SMAP1: variants seen among roughly 807,000 people sequenced by gnomAD.
SMAP1 encodes small ArfGAP 1.
In SMAP1, 24 loss-of-function variants were observed where a neutral mutation model predicts 58.5. That is an observed-to-expected ratio of 0.41 (90% CI 0.30 to 0.58). The LOEUF (loss-of-function observed/expected upper bound fraction) is 0.58. Among genes scored for constraint, SMAP1 ranks in the 20% least tolerant of loss-of-function variants. The probability of loss-of-function intolerance (pLI) is 0.29; values close to 1 mark genes in which losing one functional copy is unlikely to be tolerated. For missense variants in SMAP1, 563 were observed against 566.3 expected (o/e 0.99, Z 0.06); for synonymous variants, 216 against 196.6 (o/e 1.10, Z -0.82).
At chr6:70,777,027 A>G (rs953637952) in intron 4 of SMAP1, among the ~76,000 whole-genome samples, 1 of 152,172 alleles carries the variant, frequency 6.6e-6, no homozygotes, top group African/African-American at 2.4e-5. Flanking sequence ...TTGCTGGCTT[A>G]TATGGTAATT....
chr6:70,812,469 G>T (rs1354505040), intron 6 of SMAP1, among the ~76,000 whole-genome samples: 1 of 152,168 alleles, frequency 6.6e-6, no homozygotes, highest in African/African-American at 2.4e-5. Flanking sequence ...CCATTGGCCT[G>T]TAGCCGTACA....
intron 3 of SMAP1, among the ~76,000 whole-genome samples, chr6:70,767,036 T>A (rs1370411128): frequency 2.0e-5 from 3 of 152,118 alleles, no homozygotes; most frequent in African/African-American, 4.8e-5. Flanking sequence ...TTCTCAGGTT[T>A]GTCAAAGATC....
intron 4 of SMAP1, among the ~76,000 whole-genome samples, chr6:70,782,498 A>G (rs754005446): frequency 2.6e-5 from 4 of 152,240 alleles, no homozygotes; most frequent in Non-Finnish European, 4.4e-5. Flanking sequence ...ATAAGACAAC[A>G]TGTGATAAAA....
Position 70,791,673 on chromosome 6 carries a change from C to T in SMAP1, c.415-16C>T. On this transcript the variant is annotated splice_polypyrimidine_tract_variant and intron_variant, in intron 4 of 10. Transcript: ENST00000370455. The stretch of plus-strand genomic sequence containing the variant: ...TTTTGTTTTTTTCCTCCTGACTTTT[C>T]ACCTGTACTCCACAGATTTCCTCCT... The T allele has an allele frequency of 6.2e-7, 1 of 1,605,818 alleles. No homozygotes were observed. The highest frequency in any genetic ancestry group is 8.5e-7 in the Non-Finnish European group (1 of 1,175,452).
chr6:70,832,366 G>A (rs1770395982), intron 6 of SMAP1, among the ~76,000 whole-genome samples: 1 of 151,988 alleles, frequency 6.6e-6, no homozygotes, highest in South Asian at 2.1e-4. Flanking sequence ...GATAGTATTG[G>A]GTTTAAATGT....
At chr6:70,713,940 G>C (rs938336195) in intron 1 of SMAP1, among the ~76,000 whole-genome samples, 1 of 152,020 alleles carries the variant, frequency 6.6e-6, no homozygotes, top group African/African-American at 2.4e-5. Context: ...GTGTGTATTT[G>C]TTTACAATTG....
intron 2 of SMAP1, among the ~76,000 whole-genome samples, chr6:70,749,590 A>G (rs566660583): frequency 1.3e-5 from 2 of 151,514 alleles, no homozygotes; most frequent in South Asian, 4.2e-4. Flanking sequence ...TCCCCCACTT[A>G]CCTCATTTAA....
intron 6 of SMAP1, among the ~76,000 whole-genome samples, chr6:70,829,998 T>G (rs978250831): frequency 6.6e-6 from 1 of 152,280 alleles, no homozygotes; most frequent in Admixed American, 6.5e-5. Context: ...ACAAAAAGAT[T>G]GGGTAGTAAA....
intron 3 of SMAP1, among the ~76,000 whole-genome samples, chr6:70,771,568 T>G (rs1365300950): frequency 6.6e-6 from 1 of 152,136 alleles, no homozygotes; most frequent in Non-Finnish European, 1.5e-5. Context: ...GTGTGGGATA[T>G]AATCTCCTGG....
chr6:70,669,963 T>A (rs1015739661), intron 1 of SMAP1, among the ~76,000 whole-genome samples: 6 of 152,288 alleles, frequency 3.9e-5, no homozygotes, highest in Non-Finnish European at 7.4e-5. Flanking sequence ...CTTTTTTTTT[T>A]TTTATTTACT....
intron 3 of SMAP1, 126 bp from the exon 4 acceptor site, chr6:70,773,224 G>C (rs1213310553): frequency 3.4e-6 from 2 of 591,944 alleles, no homozygotes; most frequent in Non-Finnish European, 6.0e-6. Flanking sequence ...GAAATAATGT[G>C]AAAGAGAGCA....
intron 2 of SMAP1, among the ~76,000 whole-genome samples, chr6:70,739,545 T>C (rs903284882): frequency 1.3e-5 from 2 of 152,136 alleles, no homozygotes; most frequent in South Asian, 4.1e-4. Context: ...ATAAAGTGAG[T>C]TTCTTTTAGA....
intron 6 of SMAP1, among the ~76,000 whole-genome samples, chr6:70,836,281 A>G (rs1770580674): frequency 6.6e-6 from 1 of 152,182 alleles, no homozygotes; most frequent in Non-Finnish European, 1.5e-5. Flanking sequence ...GTCACATCTT[A>G]TGTGAATGGC....
At chr6:70,739,825 A>G (rs921527213) in intron 2 of SMAP1, among the ~76,000 whole-genome samples, 1 of 151,264 alleles carries the variant, frequency 6.6e-6, no homozygotes, top group African/African-American at 2.4e-5. Context: ...TTCTTAGACT[A>G]TTATTTGTTG....
intron 6 of SMAP1, among the ~76,000 whole-genome samples, chr6:70,830,413 T>C (rs1770311781): frequency 6.6e-6 from 1 of 152,238 alleles, no homozygotes; most frequent in African/African-American, 2.4e-5. Flanking sequence ...TTTTTATTCT[T>C]AAATCTTCTA....
chr6:70,831,894 G>A (rs948693683), intron 6 of SMAP1, among the ~76,000 whole-genome samples: 23 of 152,062 alleles, frequency 1.5e-4, no homozygotes, highest in African/African-American at 5.3e-4. Flanking sequence ...CAGTGTATAT[G>A]TGTTCCCTTT....
At chr6:70,828,061 T>G (rs1055754835) in intron 6 of SMAP1, among the ~76,000 whole-genome samples, 3 of 152,128 alleles carry the variant, frequency 2.0e-5, no homozygotes, top group Admixed American at 2.0e-4. Flanking sequence ...ATAAAATAGT[T>G]TTAAGGTTGT....
intron 7 of SMAP1, among the ~76,000 whole-genome samples, chr6:70,847,938 A>G (rs992261936): frequency 2.0e-5 from 3 of 152,104 alleles, no homozygotes; most frequent in Admixed American, 6.5e-5. Context: ...TGCATGCACC[A>G]ACAAGGTATA....
intron 6 of SMAP1, among the ~76,000 whole-genome samples, chr6:70,817,856 A>AGAGATTGAGAATTTTG (rs1473151546): frequency 2.6e-5 from 4 of 152,200 alleles, no homozygotes; most frequent in Non-Finnish European, 5.9e-5. Flanking sequence ...TGAGAATTTT[A>AGAGATTGAGAATTTTG]GAAATTGAGA....
Sources: gnomAD v4.1 joint callset for allele counts (sites outside exome capture counted in the v4.1 genomes callset) on GRCh38, gnomAD v4.1.1 for gene constraint, MANE v1.5 for transcripts, NCBI Gene and HGNC (gene_info 2026-07-23, HGNC 2026-07-21) for gene names.